The following PSG2 variants were observed in gnomAD, a reference collection of about 807,000 sequenced individuals.
PSG2 encodes pregnancy specific beta-1-glycoprotein 2.
Under a neutral mutation model 36.2 loss-of-function variants are expected in PSG2, and 49 were observed. The ratio of observed to expected loss-of-function variants is 1.35; its 90% confidence interval spans 1.08 to 1.72. The LOEUF is 1.72. PSG2 is among the 40% of genes most tolerant of loss of function. PSG2 has a pLI of 0.00. For missense variants in PSG2, 605 were observed against 407.2 expected (o/e 1.49, Z -4.18); for synonymous variants, 261 against 155.6 (o/e 1.68, Z -5.04).
intron 5 of PSG2, chr19:43,065,731 AACTGATC>A (rs1199370419): frequency 6.6e-6 from 1 of 151,710 alleles, no homozygotes; most frequent in Non-Finnish European, 1.5e-5. Context: ...TGAACACATG[AACTGATC>A]ATCAGGAAAA....
chr19:43,079,931 T>C (rs1194177460), intron 2 of PSG2, among the ~76,000 whole-genome samples: 1 of 151,698 alleles, frequency 6.6e-6, no homozygotes, highest in East Asian at 1.9e-4. Flanking sequence ...GTGACTCTGG[T>C]TCAGTGACTG....
chr19:43,069,641 C>A (rs12973022), intron 4 of PSG2, among the ~76,000 whole-genome samples: 22,544 of 151,596 alleles, frequency 0.15, 2,417 homozygotes, highest in Non-Finnish European at 0.22. Context: ...ATTGGGAAAG[C>A]TGGATATTCA....
At chr19:43,077,263 G>T (rs1436216943) in intron 2 of PSG2, among the ~76,000 whole-genome samples, 1 of 151,630 alleles carries the variant, frequency 6.6e-6, no homozygotes, top group East Asian at 1.9e-4. Context: ...GAAATTAGCA[G>T]CTCCTTAAGT....
In PSG2 at chr19:43,080,951, G is replaced by A. The variant is rs1332408199; in HGVS notation, c.360C>T (p.Tyr120=). The A allele has an allele frequency of 1.5e-5, 24 of 1,612,948 alleles. No homozygotes were observed. The highest frequency in any genetic ancestry group is 2.0e-5 in the Non-Finnish European group (24 of 1,179,668). Residue 120 remains tyrosine, a synonymous_variant, in exon 2 of 6, where the codon TAC becomes TAT. Transcript: ENST00000406487. ...CACCTCGCTTTATGATGTGTAAGGT[G>A]TAGGATCCTGCGTCCTCCCGGGTGA... ...QNVTREDAGS[Y]TLHIIKRGDG... is the part of the protein sequence containing the mutation.
In PSG2 at chr19:43,071,942, A is replaced by G; in HGVS notation, c.722T>C (p.Leu241Pro). Residue 241 changes from leucine to proline, a missense_variant, in exon 4 of 6, where the codon CTC becomes CCC. Physicochemically the swap from Leu to Pro is moderately conservative, Grantham distance 98. Transcript: ENST00000406487. ...GGTGTATGAAGGGTGAATTCTGGGG[A>G]GGTCTGGACCATCTGGAGCAAAGAG... ...VTLNLLHGPD[L>P]PRIHPSYTNY... 1 of 1,612,524 alleles carries G rather than the reference A, an allele frequency of 6.2e-7. No individual in the cohort carries two copies. The highest frequency in any genetic ancestry group is 8.5e-7 in the Non-Finnish European group (1 of 1,179,236).
At chr19:43,070,906 C>G (rs898397103) in intron 4 of PSG2, among the ~76,000 whole-genome samples, 1 of 151,640 alleles carries the variant, frequency 6.6e-6, no homozygotes, top group African/African-American at 2.4e-5. Context: ...CTTTTCCTGC[C>G]ATGCAGAGCT....
chr19:43,075,542 G>T lies in PSG2; in HGVS notation c.521C>A (p.Pro174Gln), dbSNP rs768618168. The change falls in exon 3 of 6, where the codon CCG becomes CAG. Residue 174 changes from proline to glutamine, a missense_variant. By Grantham distance (76) the Pro-to-Gln change is moderately conservative. Transcript: ENST00000406487. ...TVILTCDPET[P>Q]DTSYQWWMNG... is the part of the protein sequence containing the mutation. Reference sequence around the variant, plus strand: ...CATCCACCACTGGTAGCTTGTGTCCGGAGTCTCAGGATCACAGGTTAAGAT... The same window carrying T: ...CATCCACCACTGGTAGCTTGTGTCCTGAGTCTCAGGATCACAGGTTAAGAT... 3 of 1,613,260 alleles carry T rather than the reference G, an allele frequency of 1.9e-6. No individual in the cohort carries two copies. The highest frequency in any genetic ancestry group is 1.7e-6 in the Non-Finnish European group (2 of 1,179,766).
intron 2 of PSG2, among the ~76,000 whole-genome samples, chr19:43,079,396 G>A (rs1164536369): frequency 6.6e-6 from 1 of 151,408 alleles, no homozygotes; most frequent in Non-Finnish European, 1.5e-5. Context: ...AGCTTCTGAA[G>A]GACAAGGGAC....
At chr19:43,070,488 T>A (rs1967800583) in intron 4 of PSG2, among the ~76,000 whole-genome samples, 1 of 151,748 alleles carries the variant, frequency 6.6e-6, no homozygotes, top group Non-Finnish European at 1.5e-5. Context: ...ATGAGGTGTG[T>A]CTATACGTTG....
chr19:43,073,864 A>G (rs556609579), intron 3 of PSG2, among the ~76,000 whole-genome samples: 2 of 151,894 alleles, frequency 1.3e-5, no homozygotes, highest in South Asian at 2.1e-4. Context: ...TTTGTCATAT[A>G]CTTACTGGTT....
chr19:43,071,613 G>A, intron 4 of PSG2, 87 bp downstream of exon 4: 4 of 1,611,180 alleles, frequency 2.5e-6, no homozygotes, highest in Middle Eastern at 1.9e-4. Flanking sequence ...CACAGGCTGG[G>A]AATAAAAATG....
intron 2 of PSG2, among the ~76,000 whole-genome samples, chr19:43,076,497 G>A (rs955741382): frequency 6.6e-6 from 1 of 151,746 alleles, no homozygotes; most frequent in Non-Finnish European, 1.5e-5. Context: ...TGGAAGTCTG[G>A]CCCTCATGGA....
chr19:43,066,635 G>C lies in PSG2; in HGVS notation c.965-35C>G, dbSNP rs10406902. On this transcript the variant is annotated intron_variant, in intron 4 of 5. Transcript: ENST00000406487. Reference sequence around the variant, plus strand: ...AAAGAAAAGTAAAGAAGGAATGAAGGTGATGTTATTTTACATGGGGGAGCA... The same window carrying C: ...AAAGAAAAGTAAAGAAGGAATGAAGCTGATGTTATTTTACATGGGGGAGCA... 3.2e-6 allele frequency: 5 copies of C among 1,558,522 alleles called. No homozygotes were observed. In the South Asian group the frequency reaches 3.3e-5, roughly 10 times the overall value.
intron 4 of PSG2, among the ~76,000 whole-genome samples, chr19:43,067,793 G>A (rs1042329204): frequency 3.3e-5 from 5 of 151,368 alleles, no homozygotes; most frequent in East Asian, 1.9e-4. Context: ...TATGAAGAAA[G>A]CACTGTCATT....
intron 3 of PSG2, chr19:43,072,720 T>A: frequency 6.4e-7 from 1 of 1,562,758 alleles, no homozygotes; most frequent in Non-Finnish European, 8.7e-7. Flanking sequence ...CTCCCACCTC[T>A]CAGCCCACCT....
intron 4 of PSG2, among the ~76,000 whole-genome samples, chr19:43,069,139 G>A (rs201744555): frequency 1.3e-5 from 2 of 151,612 alleles, no homozygotes; most frequent in African/African-American, 4.9e-5. Context: ...AAAATATTTA[G>A]GAATAAGTTT....
intron 1 of PSG2, 169 bp downstream of exon 1, chr19:43,082,337 A>G: frequency 2.8e-6 from 3 of 1,058,112 alleles, no homozygotes; most frequent in East Asian, 5.2e-5. Context: ...AGACAGGGCT[A>G]CACTGTGTTG....
rs975711656 is a variant in PSG2 at position 43,072,484 on chromosome 19, C to T, written c.710-530G>A. 36 of 1,611,120 alleles carry T rather than the reference C, an allele frequency of 2.2e-5. No homozygotes were observed. In the Admixed American group the frequency reaches 5.8e-4, roughly 26 times the overall value. On this transcript the variant is annotated intron_variant, in intron 3 of 5. Transcript: ENST00000406487. ...TCCTGTTTTCAATGGGTCGCTTTAC[C>T]CTGGGACTGACCGGGAGGCTCTGAC...
Position 43,082,120 on chromosome 19 carries a change from C to CTTTTTTTTTTTT in PSG2, c.64+385_64+386insAAAAAAAAAAAA, listed in dbSNP as rs1967986546. The stretch of plus-strand genomic sequence containing the variant: ...TTCTTTCCTTTTATTTCTTTCTTCT[C>CTTTTTTTTTTTT]TCTTTTTTTTTTTTTTTTTTTTTTT... On this transcript the variant is annotated intron_variant, in intron 1 of 5. Transcript: ENST00000406487. 3.3e-5 allele frequency: 3 copies of CTTTTTTTTTTTT among 90,846 alleles called. 1 individual carries two copies. The highest frequency in any genetic ancestry group is 8.9e-5 in the African/African-American group (2 of 22,500). 5.6% of individuals were successfully genotyped at this position (90,846 alleles called of 1,614,324 possible).
Sources: allele counts gnomAD v4.1 joint callset (sites outside exome capture counted in the v4.1 genomes callset), GRCh38; gene constraint gnomAD v4.1.1; transcripts MANE v1.5; gene names NCBI Gene and HGNC (gene_info 2026-07-23, HGNC 2026-07-21).